MTRF1: variants seen among roughly 807,000 people sequenced by gnomAD.
MTRF1 encodes the protein peptide chain release factor 1, mitochondrial.
In MTRF1, 51 loss-of-function variants were observed where a neutral mutation model predicts 62.9. The observed-to-expected ratio is 0.81, with a 90% CI of 0.65 to 1.02. The LOEUF is 1.02. Among genes scored for constraint, MTRF1 ranks in the 50% least tolerant of loss-of-function variants. MTRF1 has a pLI of 0.00. For missense variants in MTRF1, 446 were observed against 530.0 expected, an observed-to-expected ratio of 0.84 and a Z score of 1.56; for synonymous variants, 158 against 181.9, an observed-to-expected ratio of 0.87 and a Z score of 1.06.
At chr13:41,306,446 G>A in the MTRF1 span, among the ~76,000 whole-genome samples, 1 of 152,058 alleles carries the variant, frequency 6.6e-6, no homozygotes, top group African/African-American at 2.4e-5. Context: ...ACATCAGGGA[G>A]TCTGGGGTGG....
the MTRF1 span, among the ~76,000 whole-genome samples, chr13:41,283,261 C>A: frequency 6.6e-6 from 1 of 152,148 alleles, no homozygotes; most frequent in South Asian, 2.1e-4. Flanking sequence ...CTGTATAAAC[C>A]ATTTCCATTT....
chr13:41,272,242 C>A, the MTRF1 span, among the ~76,000 whole-genome samples: 1 of 152,270 alleles, frequency 6.6e-6, no homozygotes, highest in East Asian at 1.9e-4. Context: ...GTTCTGAATT[C>A]TTTACAGGGA....
At position 41,227,219 on chromosome 13, in the gene MTRF1, G is replaced by A. The variant is rs867573360; in HGVS notation, c.989-651C>T. Among the ~76,000 whole-genome samples, 14 of 151,976 alleles carry A rather than the reference G, an allele frequency of 9.2e-5. 1 individual carries two copies. Among genetic ancestry groups the A allele is most frequent in the Middle Eastern group, 3.4e-3 (1 of 294 alleles). ...GGAGAATCGCTTGAACCTGGGAGGCGGAGGTTGCAGTCAGCCGAGATTATG... is the reference window on the plus strand; with the variant it reads ...GGAGAATCGCTTGAACCTGGGAGGCAGAGGTTGCAGTCAGCCGAGATTATG... On this transcript the variant is annotated intron_variant, in intron 7 of 9. Coordinates refer to ENST00000379480, the MANE Select transcript of MTRF1 (RefSeq NM_004294.4).
intron 5 of MTRF1, among the ~76,000 whole-genome samples, chr13:41,248,264 G>A (rs2038548744): frequency 6.6e-6 from 1 of 152,192 alleles, no homozygotes; most frequent in Non-Finnish European, 1.5e-5. Flanking sequence ...TGAGGTTACA[G>A]CCACGCACCA....
chr13:41,252,595 G>A (rs767091170), intron 5 of MTRF1, 50 bp downstream of exon 5: 1 of 1,404,730 alleles, frequency 7.1e-7, no homozygotes, highest in African/African-American at 1.4e-5. Context: ...AAGATCAGAG[G>A]TAAAATAATT....
At chr13:41,304,657 A>C in the MTRF1 span, among the ~76,000 whole-genome samples, 1 of 152,228 alleles carries the variant, frequency 6.6e-6, no homozygotes, top group African/African-American at 2.4e-5. Context: ...GTACCTACCC[A>C]GGTTCCCATG....
intron 7 of MTRF1, among the ~76,000 whole-genome samples, chr13:41,226,830 C>T (rs1312871622): frequency 7.9e-5 from 12 of 152,128 alleles, no homozygotes; most frequent in Non-Finnish European, 1.0e-4. Context: ...TTTCAGTCCC[C>T]GAGCTTGGCC....
chr13:41,243,655 T>A (rs1423420753), intron 5 of MTRF1, among the ~76,000 whole-genome samples: 1 of 152,152 alleles, frequency 6.6e-6, no homozygotes, highest in Non-Finnish European at 1.5e-5. Flanking sequence ...TAGGGTAAAA[T>A]CTCAGACCTT....
chr13:41,261,739 A>G (rs771478900), intron 1 of MTRF1: 11 of 955,642 alleles, frequency 1.2e-5, no homozygotes, highest in Non-Finnish European at 1.4e-5. Flanking sequence ...CTGGTATTAG[A>G]ATGTAAGTTG....
At chr13:41,240,644 T>C (rs2037365687) in intron 5 of MTRF1, among the ~76,000 whole-genome samples, 1 of 152,086 alleles carries the variant, frequency 6.6e-6, no homozygotes, top group Non-Finnish European at 1.5e-5. Flanking sequence ...TGTATTAAAA[T>C]ACAAAAGGAA....
intron 2 of MTRF1, among the ~76,000 whole-genome samples, chr13:41,259,563 A>G (rs938828454): frequency 3.3e-5 from 5 of 151,950 alleles, no homozygotes; most frequent in African/African-American, 4.8e-5. Flanking sequence ...TTAGCTGGGC[A>G]TGGTGGCAGG....
the MTRF1 span, among the ~76,000 whole-genome samples, chr13:41,307,038 T>C: frequency 6.6e-6 from 1 of 152,182 alleles, no homozygotes; most frequent in Non-Finnish European, 1.5e-5. Context: ...AATCTAGGCT[T>C]TCTGATTGTG....
At chr13:41,218,901 A>G (rs546123182) in intron 9 of MTRF1, among the ~76,000 whole-genome samples, 2 of 152,368 alleles carry the variant, frequency 1.3e-5, no homozygotes, top group South Asian at 4.1e-4. Flanking sequence ...GTAAAACCTC[A>G]AACTCTGAAA....
At chr13:41,239,106 A>T (rs2037130307) in intron 6 of MTRF1, among the ~76,000 whole-genome samples, 1 of 152,038 alleles carries the variant, frequency 6.6e-6, no homozygotes, top group Non-Finnish European at 1.5e-5. Context: ...CTGGATAAAA[A>T]AAAAAAATCA....
At chr13:41,250,697 T>C (rs1018915718) in intron 5 of MTRF1, among the ~76,000 whole-genome samples, 1 of 152,184 alleles carries the variant, frequency 6.6e-6, no homozygotes, top group Non-Finnish European at 1.5e-5. Flanking sequence ...TTTTACCATG[T>C]TGGTCAGGCT....
the MTRF1 span, among the ~76,000 whole-genome samples, chr13:41,303,919 C>G: frequency 6.6e-6 from 1 of 151,922 alleles, no homozygotes; most frequent in Non-Finnish European, 1.5e-5. Flanking sequence ...TTTTGTTATC[C>G]TATATATAAA....
Position 41,258,651 on chromosome 13 carries a change from G to A in MTRF1, c.415+1842C>T, listed in dbSNP as rs543475666. Reference sequence around the variant, plus strand: ...ATAGATCAAAGACCTAAATGCATGGGATAAAAATAAAAAATACGTCAGTCT... The same window carrying A: ...ATAGATCAAAGACCTAAATGCATGGAATAAAAATAAAAAATACGTCAGTCT... On this transcript the variant is annotated intron_variant, in intron 2 of 9. Transcript: ENST00000379480. 3.3e-5 allele frequency among the ~76,000 whole-genome samples: 5 copies of A among 151,054 alleles called. No homozygotes were observed. In the East Asian group the frequency reaches 9.7e-4, roughly 29 times the overall value.
chr13:41,271,079 ACACACACACACAC>A, the MTRF1 span, among the ~76,000 whole-genome samples: 2 of 149,866 alleles, frequency 1.3e-5, no homozygotes, highest in African/African-American at 5.1e-5. Context: ...ACACACACAC[ACACACACACACAC>A]CCCATATAGC....
At chr13:41,288,596 A>C in the MTRF1 span, among the ~76,000 whole-genome samples, 3 of 152,252 alleles carry the variant, frequency 2.0e-5, no homozygotes, top group Non-Finnish European at 4.4e-5. Context: ...AGGTGAGTGC[A>C]AAAGTAATTG....
Sources: gnomAD v4.1 joint callset for allele counts (sites outside exome capture counted in the v4.1 genomes callset) on GRCh38, gnomAD v4.1.1 for gene constraint, MANE v1.5 for transcripts, NCBI Gene and HGNC (gene_info 2026-07-23, HGNC 2026-07-21) for gene names.